SLC44A1: variants seen among roughly 807,000 people sequenced by gnomAD.
SLC44A1 encodes the protein solute carrier family 44 member 1, also known as choline transporter-like protein 1.
A neutral mutation model predicts 79.3 loss-of-function variants in SLC44A1; 26 were observed. That is an observed-to-expected ratio of 0.33 (90% confidence interval 0.24 to 0.46). SLC44A1 has a LOEUF of 0.46. Among genes scored for constraint, SLC44A1 ranks in the 20% least tolerant of loss-of-function variants. The pLI, the probability that SLC44A1 is intolerant of heterozygous loss-of-function variation, is 1.00. For missense variants in SLC44A1, 688 were observed against 798.1 expected (o/e 0.86, Z 1.66); for synonymous variants, 263 against 286.2 (o/e 0.92, Z 0.82).
chr9:105,422,825 G>C (rs930910983), intron 15 of SLC44A1, among the ~76,000 whole-genome samples: 4 of 152,184 alleles, frequency 2.6e-5, no homozygotes, highest in Non-Finnish European at 5.9e-5. Context: ...TAAATAAAGA[G>C]GGAATTTTAG....
At chr9:105,380,041 G>C (rs1318896286) in intron 13 of SLC44A1, among the ~76,000 whole-genome samples, 1 of 152,120 alleles carries the variant, frequency 6.6e-6, no homozygotes, top group Non-Finnish European at 1.5e-5. Context: ...ATGATGGCAA[G>C]AAAAGAAAGG....
intron 5 of SLC44A1, among the ~76,000 whole-genome samples, chr9:105,354,491 C>A (rs1827558285): frequency 6.6e-6 from 1 of 152,150 alleles, no homozygotes; most frequent in South Asian, 2.1e-4. Flanking sequence ...GTAATTCAAG[C>A]ATTTCTTAGA....
intron 13 of SLC44A1, 120 bp downstream of exon 13, chr9:105,374,855 G>A: frequency 1.4e-6 from 1 of 705,302 alleles, no homozygotes; most frequent in South Asian, 1.8e-5. Context: ...CGAGTACTTA[G>A]AAAGCCCTTA....
chr9:105,427,652 A>G (rs1829340354), intron 15 of SLC44A1, among the ~76,000 whole-genome samples: 1 of 152,164 alleles, frequency 6.6e-6, no homozygotes, highest in African/African-American at 2.4e-5. Context: ...TTATAGAGAT[A>G]TCTTTGCCAC....
chr9:105,269,811 G>C (rs1489766594), intron 1 of SLC44A1, among the ~76,000 whole-genome samples: 1 of 152,200 alleles, frequency 6.6e-6, no homozygotes, highest in African/African-American at 2.4e-5. Context: ...TTGTTCAGGC[G>C]TGTGACTTGT....
chr9:105,271,997 A>G (rs1222991465), intron 1 of SLC44A1, among the ~76,000 whole-genome samples: 2 of 152,146 alleles, frequency 1.3e-5, no homozygotes, highest in Non-Finnish European at 2.9e-5. Flanking sequence ...TGGTGTAGAA[A>G]TTATTTTGTT....
At chr9:105,251,222 A>G (rs780620976) in intron 1 of SLC44A1, among the ~76,000 whole-genome samples, 1 of 152,100 alleles carries the variant, frequency 6.6e-6, no homozygotes, top group Non-Finnish European at 1.5e-5. Context: ...CTTTTTCAGT[A>G]CTTTATCTCT....
chr9:105,414,350 C>T (rs1042035330), intron 15 of SLC44A1, among the ~76,000 whole-genome samples: 2 of 152,178 alleles, frequency 1.3e-5, no homozygotes, highest in Non-Finnish European at 2.9e-5. Context: ...CCACCACGCC[C>T]AGCCGACAGT....
intron 15 of SLC44A1, among the ~76,000 whole-genome samples, chr9:105,413,378 C>T (rs1829122936): frequency 6.6e-6 from 1 of 152,288 alleles, no homozygotes; most frequent in African/African-American, 2.4e-5. Context: ...CTGGCAATTT[C>T]CAAGAAAATT....
At position 105,390,084 on chromosome 9, in the gene SLC44A1, A is replaced by T; in HGVS notation, c.*1028A>T. On this transcript the variant is annotated 3_prime_UTR_variant, in exon 16 of 16. Coordinates refer to ENST00000374720, the MANE Select transcript of SLC44A1 (RefSeq NM_080546.5). ...ACTGGCAGGTGCTCCTCTCCTTGGC[A>T]ATTCATTGAGTATCCAGAGTTCTAC... The T allele has an allele frequency of 7.9e-7, 1 of 1,270,066 alleles. No homozygotes were observed. The highest frequency in any genetic ancestry group is 1.0e-6 in the Non-Finnish European group (1 of 1,001,148). The allele number at this position is 1,270,066 out of a possible 1,614,324, so 78.7% of individuals were successfully genotyped here. A position where few individuals can be genotyped will look rare whatever the true frequency, so the allele number is the denominator to read the frequency against.
chr9:105,362,774 T>C, intron 8 of SLC44A1, 47 bp from the exon 9 acceptor site: 5 of 1,410,410 alleles, frequency 3.5e-6, no homozygotes, highest in Non-Finnish European at 4.7e-6. Context: ...TTTCGGTTTC[T>C]GTTTTCACTA....
chr9:105,404,373 C>CA (rs1386433888), intron 15 of SLC44A1, among the ~76,000 whole-genome samples: 1 of 152,068 alleles, frequency 6.6e-6, no homozygotes, highest in African/African-American at 2.4e-5. Flanking sequence ...CGTGAATCTC[C>CA]AGGTCCTGGT....
At chr9:105,330,675 T>C (rs1223661815) in intron 3 of SLC44A1, among the ~76,000 whole-genome samples, 5 of 152,220 alleles carry the variant, frequency 3.3e-5, no homozygotes, top group Admixed American at 6.5e-5. Context: ...GTTCACCTTG[T>C]AGACAGAGCA....
chr9:105,393,330 CAAATTTTT>C lies in SLC44A1; in HGVS notation c.*4278_*4285del, dbSNP rs1311315311. 1.0e-6 allele frequency: 1 copy of C among 985,120 alleles called. No individual in the cohort carries two copies. The highest frequency in any genetic ancestry group is 1.2e-6 in the Non-Finnish European group (1 of 829,850). The allele number at this position is 985,120 out of a possible 1,614,324, so 61.0% of individuals were successfully genotyped here. A position where few individuals can be genotyped will look rare whatever the true frequency, so the allele number is the denominator to read the frequency against. ...TTTGTTAACTTAGTGGCACATAGTC[CAAATTTTT>C]AAAAAGCAAGACCCTTGAATATGCC... On this transcript the variant is annotated 3_prime_UTR_variant, in exon 16 of 16. Transcript: ENST00000374720.
At position 105,335,734 on chromosome 9, in the gene SLC44A1, C is replaced by CA. The variant is rs571205800; in HGVS notation, c.406+36dup. On this transcript the variant is annotated intron_variant, in intron 4 of 15. Coordinates refer to ENST00000374720, the MANE Select transcript of SLC44A1 (RefSeq NM_080546.5). Reference sequence around the variant, plus strand: ...TAGGCCATCCAAATCTATGTCCTGTCACCTTGTTCTCTTTGTTAAATATAA... The same window carrying CA: ...TAGGCCATCCAAATCTATGTCCTGTCAACCTTGTTCTCTTTGTTAAATATAA... 8.0e-4 allele frequency: 1,256 copies of CA among 1,579,062 alleles called. 17 individuals carry two copies. In the South Asian group the frequency reaches 0.014, roughly 18 times the overall value.
chr9:105,247,516 C>G (rs373536395), intron 1 of SLC44A1, among the ~76,000 whole-genome samples: 1 of 152,102 alleles, frequency 6.6e-6, no homozygotes, highest in Non-Finnish European at 1.5e-5. Context: ...AGGCTGGTCT[C>G]GAACTCCTGA....
chr9:105,258,263 A>G (rs915674278), intron 1 of SLC44A1, among the ~76,000 whole-genome samples: 16 of 152,248 alleles, frequency 1.1e-4, no homozygotes, highest in African/African-American at 3.9e-4. Context: ...TGGTACTGAT[A>G]TTAATACCTC....
intron 1 of SLC44A1, among the ~76,000 whole-genome samples, chr9:105,291,697 G>C (rs915329176): frequency 3.9e-5 from 6 of 152,168 alleles, no homozygotes; most frequent in Non-Finnish European, 8.8e-5. Flanking sequence ...CTTTTCATCA[G>C]AATCTGGGAA....
Position 105,392,319 on chromosome 9 carries a change from T to C in SLC44A1, c.*3263T>C, listed in dbSNP as rs916652972. On this transcript the variant is annotated 3_prime_UTR_variant, in exon 16 of 16. Transcript: ENST00000374720. ...GGTACCCAAACTTTTTCTATAATGG[T>C]TAAGGAGGAGGCACTTACTGAGTTT... 10 of 984,808 alleles carry C rather than the reference T, an allele frequency of 1.0e-5. No homozygotes were observed. Among genetic ancestry groups the C allele is most frequent in the Non-Finnish European group, 1.2e-5 (10 of 829,626 alleles). The allele number at this position is 984,808 out of a possible 1,614,324, so 61.0% of individuals were successfully genotyped here.
Sources: allele counts gnomAD v4.1 joint callset (sites outside exome capture counted in the v4.1 genomes callset), GRCh38; gene constraint gnomAD v4.1.1; transcripts MANE v1.5; gene names NCBI Gene and HGNC (gene_info 2026-07-23, HGNC 2026-07-21).